Variants in TEK observed in about 807,000 individuals in gnomAD.
TEK encodes TEK receptor tyrosine kinase.
In TEK, 43 loss-of-function variants were observed where a neutral mutation model predicts 131.8. That is an observed-to-expected ratio of 0.33 (90% CI 0.26 to 0.42). The LOEUF is 0.42. TEK is among the 10% of genes least tolerant of loss of function. TEK has a pLI of 1.00. For synonymous variants in TEK, 580 were observed against 491.6 expected, an observed-to-expected ratio of 1.18 and a Z score of -2.38; for missense variants, 1,162 against 1,384.4, an observed-to-expected ratio of 0.84 and a Z score of 2.55.
At chr9:27,172,182 G>C (rs1215110892) in intron 4 of TEK, among the ~76,000 whole-genome samples, 1 of 152,132 alleles carries the variant, frequency 6.6e-6, no homozygotes, top group Non-Finnish European at 1.5e-5. Context: ...CAGATGATGG[G>C]GATGCTACTG....
At chr9:27,220,220 C>A in intron 21 of TEK, 75 bp downstream of exon 21, 2 of 1,406,906 alleles carry the variant, frequency 1.4e-6, no homozygotes, top group Non-Finnish European at 1.0e-6. Flanking sequence ...CTGACTCTAG[C>A]AAAGTCAGCC....
chr9:27,216,228 T>C (rs1178748460), intron 18 of TEK, among the ~76,000 whole-genome samples: 1 of 152,158 alleles, frequency 6.6e-6, no homozygotes, highest in Non-Finnish European at 1.5e-5. Context: ...ATGATCATCC[T>C]GACTACAGGG....
At chr9:27,139,225 A>C (rs1230591178) in intron 1 of TEK, among the ~76,000 whole-genome samples, 1 of 149,824 alleles carries the variant, frequency 6.7e-6, no homozygotes, top group Non-Finnish European at 1.5e-5. Flanking sequence ...AAAAAAAAAA[A>C]CAGTAGGATT....
chr9:27,122,450 A>T (rs1245370650), intron 1 of TEK, among the ~76,000 whole-genome samples: 6 of 152,200 alleles, frequency 3.9e-5, no homozygotes, highest in Non-Finnish European at 8.8e-5. Context: ...AGAGACTTTT[A>T]TGCAGTGGTT....
At chr9:27,181,496 T>C (rs1197632230) in intron 7 of TEK, among the ~76,000 whole-genome samples, 2 of 152,248 alleles carry the variant, frequency 1.3e-5, no homozygotes, top group East Asian at 1.9e-4. Flanking sequence ...CAAGATTGTA[T>C]AATACGTCGT....
At chr9:27,173,504 G>A in intron 6 of TEK, 142 bp downstream of exon 6, 1 of 1,015,544 alleles carries the variant, frequency 9.8e-7, no homozygotes, top group Non-Finnish European at 1.5e-6. Flanking sequence ...AATCATGGAT[G>A]TTTACATCCA....
intron 1 of TEK, among the ~76,000 whole-genome samples, chr9:27,144,211 G>A (rs896800608): frequency 6.6e-6 from 1 of 152,146 alleles, no homozygotes; most frequent in African/African-American, 2.4e-5. Flanking sequence ...GAACCCAGGA[G>A]GCAGAGCTTG....
intron 19 of TEK, among the ~76,000 whole-genome samples, chr9:27,218,067 C>T (rs1564106118): frequency 6.6e-6 from 1 of 150,830 alleles, no homozygotes; most frequent in Non-Finnish European, 1.5e-5. Flanking sequence ...TGGCTCCTCT[C>T]CCAGACCTAG....
At chr9:27,227,523 G>C (rs1301006972) in intron 21 of TEK, among the ~76,000 whole-genome samples, 2 of 152,140 alleles carry the variant, frequency 1.3e-5, no homozygotes, top group African/African-American at 4.8e-5. Context: ...GGAAATCCAA[G>C]ATCAAAGCGC....
chr9:27,218,660 G>C (rs1564106731), intron 19 of TEK, 117 bp from the exon 20 acceptor site: 13 of 1,007,854 alleles, frequency 1.3e-5, no homozygotes, highest in Non-Finnish European at 2.0e-5. Flanking sequence ...ATCCTAGGAT[G>C]TAGACATTTA....
In TEK at chr9:27,173,207, C is replaced by A; in HGVS notation, c.761-15C>A. The A allele has an allele frequency of 1.9e-6, 3 of 1,613,922 alleles. No homozygotes were observed. Among genetic ancestry groups the A allele is most frequent in the Non-Finnish European group, 2.5e-6 (3 of 1,179,884 alleles). On this transcript the variant is annotated splice_polypyrimidine_tract_variant and intron_variant, in intron 5 of 22. Transcript: ENST00000380036. ...CATATTTGACTCTGAATCATCTTTT[C>A]TTTTCCTCCCAAAGCTTGTGAACTG... is the stretch of plus-strand genomic sequence containing the variant.
chr9:27,190,723 G>T (rs144488489), intron 10 of TEK, 33 bp downstream of exon 10: 2 of 1,612,814 alleles, frequency 1.2e-6, no homozygotes, highest in African/African-American at 2.7e-5. Flanking sequence ...GCCAGCTGGG[G>T]ATGTGGCACC....
intron 11 of TEK, 104 bp downstream of exon 11, chr9:27,192,727 G>C (rs1425146731): frequency 9.4e-6 from 8 of 855,290 alleles, no homozygotes. Context: ...GAGTGGGTGG[G>C]TGGGGATGGA....
chr9:27,123,142 C>G (rs1821862625), intron 1 of TEK, among the ~76,000 whole-genome samples: 1 of 148,096 alleles, frequency 6.8e-6, no homozygotes, highest in South Asian at 2.2e-4. Context: ...TGTTGCGAAG[C>G]ATTTTTAGTG....
At chr9:27,173,722 T>G (rs113336607) in intron 6 of TEK, among the ~76,000 whole-genome samples, 5 of 124,252 alleles carry the variant, frequency 4.0e-5, no homozygotes, top group African/African-American at 1.3e-4. Flanking sequence ...ATAGAAGACT[T>G]GTTTTTTTTT....
At chr9:27,135,623 A>G (rs1288208554) in intron 1 of TEK, among the ~76,000 whole-genome samples, 1 of 152,206 alleles carries the variant, frequency 6.6e-6, no homozygotes, top group Non-Finnish European at 1.5e-5. Flanking sequence ...ATGCTTAGAA[A>G]TAAGTACCAC....
At chr9:27,188,387 T>C (rs1586988501) in intron 9 of TEK, among the ~76,000 whole-genome samples, 1 of 152,244 alleles carries the variant, frequency 6.6e-6, no homozygotes, top group Middle Eastern at 3.4e-3. Context: ...AGGCAAAAAA[T>C]AAAATAGTAG....
At chr9:27,175,736 C>G (rs1021528085) in intron 6 of TEK, among the ~76,000 whole-genome samples, 2 of 152,092 alleles carry the variant, frequency 1.3e-5, no homozygotes, top group Non-Finnish European at 2.9e-5. Flanking sequence ...CTCTGATGGC[C>G]AGTGATGATG....
intron 1 of TEK, among the ~76,000 whole-genome samples, chr9:27,138,091 C>G (rs1479940852): frequency 6.6e-6 from 1 of 152,194 alleles, no homozygotes; most frequent in East Asian, 1.9e-4. Context: ...TTCGTGGTCT[C>G]ACTGACCTCA....
Sources: gnomAD v4.1 joint callset for allele counts (sites outside exome capture counted in the v4.1 genomes callset) on GRCh38, gnomAD v4.1.1 for gene constraint, MANE v1.5 for transcripts, NCBI Gene and HGNC (gene_info 2026-07-23, HGNC 2026-07-21) for gene names.